Variants in CACNA2D3 observed in about 807,000 individuals in gnomAD.
CACNA2D3 encodes voltage-dependent calcium channel subunit alpha-2/delta-3.
Under a neutral mutation model 160.6 loss-of-function variants are expected in CACNA2D3, and 60 were observed. That is an observed-to-expected ratio of 0.37 (90% CI 0.30 to 0.46). CACNA2D3 has a LOEUF of 0.46. Among genes scored for constraint, CACNA2D3 ranks in the 20% least tolerant of loss-of-function variants. The probability of loss-of-function intolerance (pLI) is 1.00; values close to 1 mark genes in which losing one functional copy is unlikely to be tolerated. For synonymous variants in CACNA2D3, 558 were observed against 492.9 expected, an observed-to-expected ratio of 1.13 and a Z score of -1.75; for missense variants, 1,205 against 1,365.0, an observed-to-expected ratio of 0.88 and a Z score of 1.85.
intron 4 of CACNA2D3, among the ~76,000 whole-genome samples, chr3:54,402,870 T>C (rs1396041376): frequency 6.6e-6 from 1 of 152,188 alleles, no homozygotes; most frequent in Non-Finnish European, 1.5e-5. Context: ...GGACGAACCA[T>C]ATGGTAAGCC....
chr3:54,534,231 T>C (rs1701851153), intron 5 of CACNA2D3, among the ~76,000 whole-genome samples: 1 of 152,202 alleles, frequency 6.6e-6, no homozygotes, highest in South Asian at 2.1e-4. Flanking sequence ...CAGGGTAATC[T>C]TTTTTGGTGG....
At chr3:55,055,425 A>C (rs2107212768) in intron 35 of CACNA2D3, among the ~76,000 whole-genome samples, 1 of 152,168 alleles carries the variant, frequency 6.6e-6, no homozygotes, top group East Asian at 1.9e-4. Context: ...TCTTTGCCAG[A>C]ATCATGCTGT....
At chr3:54,454,389 C>T (rs941751651) in intron 4 of CACNA2D3, among the ~76,000 whole-genome samples, 2 of 152,084 alleles carry the variant, frequency 1.3e-5, no homozygotes, top group Non-Finnish European at 2.9e-5. Flanking sequence ...TCTCCTCACC[C>T]CATTGCCTCA....
intron 5 of CACNA2D3, among the ~76,000 whole-genome samples, chr3:54,516,720 G>T (rs1002153702): frequency 1.3e-5 from 2 of 152,186 alleles, no homozygotes; most frequent in Non-Finnish European, 2.9e-5. Flanking sequence ...ATCTTCACCC[G>T]TGTCTACTTT....
intron 3 of CACNA2D3, among the ~76,000 whole-genome samples, chr3:54,328,479 A>C (rs1466615650): frequency 6.6e-6 from 1 of 151,790 alleles, no homozygotes; most frequent in East Asian, 1.9e-4. Context: ...ATGGGATTTC[A>C]CCATGTTGGC....
chr3:54,432,062 G>A (rs575062528), intron 4 of CACNA2D3, among the ~76,000 whole-genome samples: 1 of 152,180 alleles, frequency 6.6e-6, no homozygotes, highest in African/African-American at 2.4e-5. Context: ...TCTATCTGTG[G>A]CTGTAATGGT....
chr3:54,460,654 A>G (rs934465940), intron 4 of CACNA2D3, among the ~76,000 whole-genome samples: 4 of 152,184 alleles, frequency 2.6e-5, no homozygotes, highest in Admixed American at 6.5e-5. Context: ...GAAGTTGCTT[A>G]TCAGCTTAAG....
At chr3:54,225,790 C>G (rs554584555) in intron 2 of CACNA2D3, among the ~76,000 whole-genome samples, 4 of 149,272 alleles carry the variant, frequency 2.7e-5, no homozygotes, top group Non-Finnish European at 5.9e-5. Context: ...TTTTTTTTCT[C>G]TTGGCCCTGT....
intron 2 of CACNA2D3, among the ~76,000 whole-genome samples, chr3:54,283,581 T>C (rs760357477): frequency 7.2e-5 from 11 of 152,210 alleles, no homozygotes; most frequent in Non-Finnish European, 1.2e-4. Flanking sequence ...CTGGCTTTCA[T>C]TGTAGTGTGA....
chr3:54,799,095 T>A (rs1702929105), intron 13 of CACNA2D3, among the ~76,000 whole-genome samples: 1 of 152,268 alleles, frequency 6.6e-6, no homozygotes, highest in South Asian at 2.1e-4. Context: ...TTGAGCTGTC[T>A]GTTCTAATCC....
intron 3 of CACNA2D3, among the ~76,000 whole-genome samples, chr3:54,334,388 G>T (rs531810237): frequency 1.3e-5 from 2 of 152,266 alleles, no homozygotes; most frequent in South Asian, 4.1e-4. Flanking sequence ...AGACTTTGAT[G>T]CACTTAGATG....
chr3:54,298,355 G>T (rs1388755721), intron 2 of CACNA2D3, among the ~76,000 whole-genome samples: 3 of 152,232 alleles, frequency 2.0e-5, no homozygotes, highest in Non-Finnish European at 4.4e-5. Flanking sequence ...GCATGTGCCG[G>T]GTTACGAGAA....
intron 3 of CACNA2D3, among the ~76,000 whole-genome samples, chr3:54,332,221 A>G (rs927748773): frequency 2.8e-4 from 42 of 152,226 alleles, no homozygotes; most frequent in African/African-American, 9.6e-4. Context: ...AGCCCCATGT[A>G]TCCTTCCTTT....
In CACNA2D3 at chr3:54,694,995, G is replaced by A. The variant is rs140418567; in HGVS notation, c.1167+52754G>A. Among the ~76,000 whole-genome samples the A allele has an allele frequency of 3.8e-4, 58 of 152,116 alleles. No homozygotes were observed. The Middle Eastern group carries it at 0.01, about 27-fold the overall frequency. On this transcript the variant is annotated intron_variant, in intron 11 of 37. Transcript: ENST00000474759. The stretch of plus-strand genomic sequence containing the variant: ...TATCTTGAGCCTTCTTCCCTATCAT[G>A]TCATTACCACTTTGTCATGTCATAA...
intron 5 of CACNA2D3, among the ~76,000 whole-genome samples, chr3:54,556,454 C>A (rs1248547249): frequency 6.6e-6 from 1 of 152,172 alleles, no homozygotes; most frequent in African/African-American, 2.4e-5. Context: ...CTCTTAGAAC[C>A]TCCAGAAGGA....
At chr3:54,891,562 C>CTGGGGTGGCCTAAATT in intron 25 of CACNA2D3, 112 bp downstream of exon 25, 2 of 804,408 alleles carry the variant, frequency 2.5e-6, no homozygotes, top group Non-Finnish European at 4.0e-6. Flanking sequence ...TAATTTAGGC[C>CTGGGGTGGCCTAAATT]ACCCCAGGCC....
chr3:54,355,768 T>C (rs1000689262), intron 3 of CACNA2D3, among the ~76,000 whole-genome samples: 2 of 152,178 alleles, frequency 1.3e-5, no homozygotes, highest in Non-Finnish European at 2.9e-5. Flanking sequence ...ATGGATGGTA[T>C]ATTAAGTCAT....
intron 2 of CACNA2D3, among the ~76,000 whole-genome samples, chr3:54,134,906 G>T (rs771305217): frequency 2.0e-5 from 3 of 152,266 alleles, no homozygotes; most frequent in Non-Finnish European, 4.4e-5. Flanking sequence ...GAGCACCGCA[G>T]TGCAGGGCGG....
chr3:54,142,190 C>T (rs901167262), intron 2 of CACNA2D3, among the ~76,000 whole-genome samples: 3 of 152,180 alleles, frequency 2.0e-5, no homozygotes, highest in Non-Finnish European at 2.9e-5. Context: ...CCTGGTCCAG[C>T]GTCACCCTCA....
Sources: allele counts gnomAD v4.1 joint callset (sites outside exome capture counted in the v4.1 genomes callset), GRCh38; gene constraint gnomAD v4.1.1; transcripts MANE v1.5; gene names NCBI Gene and HGNC (gene_info 2026-07-23, HGNC 2026-07-21).